The following LRRC37A2 variants were observed in gnomAD, a reference collection of about 807,000 sequenced individuals.
LRRC37A2 encodes the protein leucine-rich repeat-containing protein 37A2.
A neutral mutation model predicts 68.8 loss-of-function variants in LRRC37A2; 9 were observed. That is an observed-to-expected ratio of 0.13 (90% CI 0.08 to 0.23). The LOEUF is 0.23. Among genes scored for constraint, LRRC37A2 ranks in the 10% least tolerant of loss-of-function variants. The pLI is 1.00. For synonymous variants in LRRC37A2, 63 were observed against 367.6 expected, an observed-to-expected ratio of 0.17 and a Z score of 9.48; for missense variants, 168 against 950.4, an observed-to-expected ratio of 0.18 and a Z score of 10.82.
chr17:46,931,264 T>C, the LRRC37A2 span: 1 of 863,974 alleles, frequency 1.2e-6, no homozygotes, highest in Non-Finnish European at 2.0e-6. Context: ...GACAGGCTTT[T>C]CTCCCTGGGG....
At chr17:46,884,041 G>C in the LRRC37A2 span, among the ~76,000 whole-genome samples, 5 of 152,140 alleles carry the variant, frequency 3.3e-5, no homozygotes, top group Admixed American at 3.3e-4. Context: ...GAGTGGTGGA[G>C]GCCGGGCAGA....
At chr17:46,844,556 G>T in the LRRC37A2 span, among the ~76,000 whole-genome samples, 1 of 152,024 alleles carries the variant, frequency 6.6e-6, no homozygotes, top group African/African-American at 2.4e-5. Flanking sequence ...TGTGGTGGTG[G>T]CCGATTTCTA....
chr17:47,007,026 G>C, the LRRC37A2 span, among the ~76,000 whole-genome samples: 3 of 152,168 alleles, frequency 2.0e-5, no homozygotes, highest in African/African-American at 7.2e-5. Context: ...CACAGTATTT[G>C]CCTCAGTTGC....
the LRRC37A2 span, chr17:46,768,547 G>A: frequency 6.2e-7 from 1 of 1,614,174 alleles, no homozygotes; most frequent in African/African-American, 1.3e-5. This position sits in a 1 kb window ranked among gnomAD's most constrained non-coding sequence, Gnocchi z 5.0. Context: ...CAAAAGTTGG[G>A]GGAGTTCTCG....
At chr17:46,558,193 G>A (rs1457694525), downstream of LRRC37A2, among the ~76,000 whole-genome samples, 1 of 105,804 alleles carries the variant, frequency 9.5e-6, no homozygotes, top group African/African-American at 4.3e-5. Context: ...CCTAGTAGCT[G>A]GGGTTACAGG....
At chr17:47,034,538 C>T in the LRRC37A2 span, among the ~76,000 whole-genome samples, 1 of 152,062 alleles carries the variant, frequency 6.6e-6, no homozygotes, top group Non-Finnish European at 1.5e-5. Context: ...AGATAACAAA[C>T]TTTGCTAAGT....
chr17:46,815,785 G>T, the LRRC37A2 span, among the ~76,000 whole-genome samples: 1 of 152,260 alleles, frequency 6.6e-6, no homozygotes, highest in South Asian at 2.1e-4. Flanking sequence ...GGCCAGCTGT[G>T]CCCCCTGCAG....
the LRRC37A2 span, chr17:46,932,783 C>T: frequency 5.9e-6 from 1 of 168,148 alleles, no homozygotes; most frequent in Admixed American, 5.5e-5. Flanking sequence ...TAGTCTTAAC[C>T]AGATCATTTC....
At chr17:46,770,067 G>GA in the LRRC37A2 span, 1 of 1,530,988 alleles carries the variant, frequency 6.5e-7, no homozygotes. Flanking sequence ...AGGTCGTGGG[G>GA]AGGCAGCACT....
chr17:46,690,624 A>AAATATAT, the LRRC37A2 span, among the ~76,000 whole-genome samples: 40 of 110,952 alleles, frequency 3.6e-4, no homozygotes, highest in Non-Finnish European at 6.3e-4. Flanking sequence ...AAAAAAAAAA[A>AAATATAT]ATATATATAT....
the LRRC37A2 span, among the ~76,000 whole-genome samples, chr17:46,496,551 C>G: frequency 6.9e-6 from 1 of 143,920 alleles, no homozygotes; most frequent in Non-Finnish European, 1.5e-5. Context: ...TGCAGTGAGC[C>G]GAGATCACGC....
At chr17:46,379,879 T>TG in the LRRC37A2 span, among the ~76,000 whole-genome samples, 1 of 43,346 alleles carries the variant, frequency 2.3e-5, no homozygotes, top group South Asian at 9.9e-4. Flanking sequence ...TTTTTTTTTT[T>TG]TTTTTTTTTT....
At chr17:46,923,314 T>A in the LRRC37A2 span, 2 of 1,542,942 alleles carry the variant, frequency 1.3e-6, no homozygotes, top group Non-Finnish European at 1.7e-6. Flanking sequence ...TCAGCCAGGG[T>A]AGAGGCCGAG....
the LRRC37A2 span, among the ~76,000 whole-genome samples, chr17:46,863,649 A>G: frequency 2.6e-5 from 4 of 152,198 alleles, no homozygotes; most frequent in Admixed American, 6.5e-5. Flanking sequence ...AAAAAAGGAC[A>G]TGGCTATAAA....
At chr17:46,925,302 C>G in the LRRC37A2 span, among the ~76,000 whole-genome samples, 1 of 152,196 alleles carries the variant, frequency 6.6e-6, no homozygotes, top group African/African-American at 2.4e-5. Flanking sequence ...GCCAGCTTTG[C>G]CCCACAACTA....
chr17:46,954,973 ATTTGAC>A, the LRRC37A2 span, among the ~76,000 whole-genome samples: 2,046 of 152,294 alleles, frequency 0.013, 53 homozygotes, highest in African/African-American at 0.048. Flanking sequence ...AACAGGGACA[ATTTGAC>A]TTCCTCTTTT....
chr17:46,980,324 CTTCTCCCT>C, the LRRC37A2 span, among the ~76,000 whole-genome samples: 13 of 148,922 alleles, frequency 8.7e-5, no homozygotes, highest in Non-Finnish European at 1.8e-4. Context: ...CTTCTTCTTC[CTTCTCCCT>C]TTCCTTCTCT....
At chr17:46,818,182 G>A in the LRRC37A2 span, among the ~76,000 whole-genome samples, 3 of 152,072 alleles carry the variant, frequency 2.0e-5, no homozygotes, top group South Asian at 6.2e-4. Context: ...TGGATTTCCA[G>A]AAACCCAACT....
the LRRC37A2 span, among the ~76,000 whole-genome samples, chr17:46,767,946 G>A: frequency 1.2e-4 from 19 of 152,052 alleles, no homozygotes; most frequent in Admixed American, 8.5e-4. Context: ...CTGCCACAAC[G>A]CCCGGCTAAT....
Sources: allele counts gnomAD v4.1 joint callset (sites outside exome capture counted in the v4.1 genomes callset), GRCh38; gene constraint gnomAD v4.1.1; non-coding constraint Gnocchi (gnomAD v3.1); transcripts MANE v1.5; gene names NCBI Gene and HGNC (gene_info 2026-07-23, HGNC 2026-07-21).